Variants in RGS22 observed in about 807,000 individuals in gnomAD.
RGS22 encodes regulator of G protein signaling 22.
Under a neutral mutation model 172.9 loss-of-function variants are expected in RGS22, and 148 were observed. The observed-to-expected ratio is 0.86, with a 90% CI of 0.75 to 0.98. RGS22 has a LOEUF of 0.98. Ranked by LOEUF, RGS22 falls within the 50% of genes least tolerant of loss-of-function variation. RGS22 has a pLI of 0.00. For missense variants in RGS22, 1,347 were observed against 1,440.8 expected, an observed-to-expected ratio of 0.93 and a Z score of 1.05; for synonymous variants, 458 against 480.2, an observed-to-expected ratio of 0.95 and a Z score of 0.60.
At position 100,039,959 on chromosome 8, in the gene RGS22, T is replaced by C. The variant is rs1159322911; in HGVS notation, c.2064+3A>G. 6.8e-7 allele frequency: 1 copy of C among 1,462,778 alleles called. No homozygotes were observed. Among genetic ancestry groups the C allele is most frequent in the Admixed American group, 2.8e-5 (1 of 36,082 alleles). The allele number at this position is 1,462,778 out of a possible 1,614,324, so 90.6% of individuals were successfully genotyped here. ...AATTAAATTTTAAATAATTCTTTTCTACCTTGTTCCCTGAATGCTCGCAGA... is the reference window on the plus strand; with the variant it reads ...AATTAAATTTTAAATAATTCTTTTCCACCTTGTTCCCTGAATGCTCGCAGA... On this transcript the variant is annotated splice_donor_region_variant and intron_variant, in intron 13 of 27. Coordinates refer to ENST00000360863, the MANE Select transcript of RGS22 (RefSeq NM_015668.5).
At chr8:100,030,646 A>G (rs191247682) in intron 14 of RGS22, among the ~76,000 whole-genome samples, 31 of 152,360 alleles carry the variant, frequency 2.0e-4, no homozygotes, top group Non-Finnish European at 4.3e-4. Context: ...AGAAAACAAT[A>G]AAACAGTATT....
chr8:100,104,447 C>T (rs542319237), intron 2 of RGS22, among the ~76,000 whole-genome samples: 189 of 151,506 alleles, frequency 1.2e-3, no homozygotes, highest in Non-Finnish European at 2.3e-3. Flanking sequence ...CCTCTACCTT[C>T]AGTGGCTGTG....
intron 4 of RGS22, among the ~76,000 whole-genome samples, chr8:100,075,141 AG>A (rs1811259494): frequency 6.6e-6 from 1 of 152,112 alleles, no homozygotes; most frequent in Non-Finnish European, 1.5e-5. Flanking sequence ...ATAGATGGGC[AG>A]TGATATGGTA....
At chr8:100,012,440 G>A (rs1294238069) in intron 14 of RGS22, among the ~76,000 whole-genome samples, 4 of 152,184 alleles carry the variant, frequency 2.6e-5, no homozygotes, top group African/African-American at 9.6e-5. Context: ...AAGCTGGCAG[G>A]GTGTGGTAGC....
Position 99,962,900 on chromosome 8 carries a change from T to C in RGS22, c.3694A>G (p.Lys1232Glu). Residue 1232 changes from lysine (K) to glutamate (E), a missense_variant, in exon 25 of 28, where the codon AAA becomes GAA. By Grantham distance (56) the Lys-to-Glu change is moderately conservative. Coordinates refer to ENST00000360863, the MANE Select transcript of RGS22 (RefSeq NM_015668.5). ...CAAAAATTACCTGCAAACAACTTTT[T>C]TTCTAGTTCTTCTTGGATCTTAAGA... Reference protein sequence around the residue: ...ILLKIQEELEKKLFAGLQPLT... With the variant: ...ILLKIQEELEEKLFAGLQPLT... The C allele has an allele frequency of 6.2e-7, 1 of 1,600,208 alleles. No individual in the cohort carries two copies.
chr8:99,984,009 T>G lies in RGS22; in HGVS notation c.3181-1893A>C, dbSNP rs552241394. ...TAGAATAAAGCCTATTTAGGCCAGG[T>G]GTGGTGGCTTATGCCTGTAATCCCA... On this transcript the variant is annotated intron_variant, in intron 21 of 27. Transcript: ENST00000360863. Among the ~76,000 whole-genome samples, 18 of 152,280 alleles carry G rather than the reference T, an allele frequency of 1.2e-4. No homozygotes were observed. The South Asian group carries it at 3.7e-3, about 32-fold the overall frequency.
intron 24 of RGS22, among the ~76,000 whole-genome samples, chr8:99,964,988 T>G (rs1011888569): frequency 6.6e-6 from 1 of 152,226 alleles, no homozygotes; most frequent in Non-Finnish European, 1.5e-5. Flanking sequence ...TTTGACATTC[T>G]TCTGTCATTT....
Position 100,071,367 on chromosome 8 carries a change from A to G in RGS22, c.594+2T>C. On this transcript the variant is annotated splice_donor_variant, in intron 6 of 27. Transcript: ENST00000360863. LOFTEE classifies it high-confidence loss of function. The stretch of plus-strand genomic sequence containing the variant: ...GTCATGAAAAAATGCTCATACTTTT[A>G]CCTCACCAAGTGATACATAGAACTT... The G allele has an allele frequency of 6.3e-7, 1 of 1,599,490 alleles. No individual in the cohort carries two copies. The highest frequency in any genetic ancestry group is 8.5e-7 in the Non-Finnish European group (1 of 1,174,512).
rs566945045 is a variant in RGS22 at position 100,104,791 on chromosome 8, T to C, written c.54+583A>G. 1.2e-4 allele frequency among the ~76,000 whole-genome samples: 19 copies of C among 152,348 alleles called. No individual in the cohort carries two copies. The East Asian group carries it at 3.3e-3, about 26-fold the overall frequency. On this transcript the variant is annotated intron_variant, in intron 2 of 27. Coordinates refer to ENST00000360863, the MANE Select transcript of RGS22 (RefSeq NM_015668.5). ...TCAGATCTTGGTAGGAATTAGGCTC[T>C]GACAGCTCCTATTTGTCTGTGTAAC...
At chr8:99,977,270 A>ATTTCTTTTTTTTTTTTTTT (rs1428079850) in intron 23 of RGS22, among the ~76,000 whole-genome samples, 2 of 120,390 alleles carry the variant, frequency 1.7e-5, no homozygotes, top group Non-Finnish European at 3.4e-5. Flanking sequence ...CGCCCGGTTA[A>ATTTCTTTTTTTTTTTTTTT]TTTTTTTTTT....
chr8:99,982,180 G>T, intron 21 of RGS22, 64 bp from the exon 22 acceptor site: 2 of 1,219,534 alleles, frequency 1.6e-6, no homozygotes, highest in Non-Finnish European at 1.1e-6. Context: ...TAATAGAACT[G>T]TATCAATATG....
chr8:100,033,776 G>C (rs1018843453), intron 14 of RGS22, among the ~76,000 whole-genome samples: 1 of 152,140 alleles, frequency 6.6e-6, no homozygotes, highest in African/African-American at 2.4e-5. Context: ...GATCAAGTTG[G>C]CTTTTCATCC....
rs773976297 is a variant in RGS22, at chr8:100,004,053, C to T, written c.2500G>A (p.Val834Ile). ...IGTGILSLSN[V>I]SKRTEYWDNV... ...TCCCAATATTCTGTTCGTTTAGAGA[C>T]GTTAGAGAGTGATAAAATGCCAGTT... Residue 834 changes from valine (V) to isoleucine (I), a missense_variant, in exon 17 of 28, where the codon GTC (valine) becomes ATC (isoleucine). By Grantham distance (29) the Val-to-Ile change is conservative. Transcript: ENST00000360863. 1.4e-5 allele frequency: 23 copies of T among 1,606,870 alleles called. No homozygotes were observed. Among genetic ancestry groups the T allele is most frequent in the African/African-American group, 5.4e-5 (4 of 74,658 alleles).
chr8:100,038,577 A>G (rs1048188273), intron 14 of RGS22: 1 of 169,946 alleles, frequency 5.9e-6, no homozygotes, highest in African/African-American at 2.4e-5. Flanking sequence ...TCTGTTCCCC[A>G]TCACTTCAAT....
Position 100,002,265 on chromosome 8 carries a change from T to G in RGS22, c.2727A>C (p.Lys909Asn). 6.2e-7 allele frequency: 1 copy of G among 1,610,976 alleles called. No homozygotes were observed. The highest frequency in any genetic ancestry group is 8.5e-7 in the Non-Finnish European group (1 of 1,178,590). Reference protein sequence around the residue: ...RKAKSIYIKNKYLNKKYFFGP... With the variant: ...RKAKSIYIKNNYLNKKYFFGP... ...CAAAGAAATATTTTTTATTAAGGTA[T>G]TTGTTTTTAATGTATATAGATTTTG... The change falls in exon 18 of 28, where the codon AAA (lysine) becomes AAC (asparagine). Residue 909 changes from lysine (K) to asparagine (N), a missense_variant. Lys to Asn is a moderately conservative substitution (Grantham distance 94). Coordinates refer to ENST00000360863, the MANE Select transcript of RGS22 (RefSeq NM_015668.5).
chr8:100,016,978 CTTTT>C (rs71274949), intron 14 of RGS22, among the ~76,000 whole-genome samples: 183 of 36,058 alleles, frequency 5.1e-3, no homozygotes, highest in Admixed American at 6.1e-3. Flanking sequence ...CCTTACCAGT[CTTTT>C]TTTTTTTTTT....
In RGS22 at chr8:99,996,473, C is replaced by G; in HGVS notation, c.3007G>C (p.Gly1003Arg). 3.1e-6 allele frequency: 5 copies of G among 1,613,132 alleles called. No individual in the cohort carries two copies. The highest frequency in any genetic ancestry group is 4.2e-6 in the Non-Finnish European group (5 of 1,179,366). The change falls in exon 20 of 28, where the codon GGG becomes CGG. Residue 1003 changes from glycine to arginine, a missense_variant. Physicochemically the swap from Gly to Arg is moderately radical, Grantham distance 125. Coordinates refer to ENST00000360863, the MANE Select transcript of RGS22 (RefSeq NM_015668.5). ...CAAACATTACTTGCCTTCCAGACCC[C>G]GATTTTCTTTTCAGCCTTCTGTAGT... The part of the protein sequence containing the change: ...LLLQKAEKKI[G>R]VWKPVESKWI...
chr8:100,029,702 C>CAAAAAAAAAA (rs369058108), intron 14 of RGS22, among the ~76,000 whole-genome samples: 11 of 61,976 alleles, frequency 1.8e-4, no homozygotes, highest in East Asian at 9.4e-4. Flanking sequence ...AACTCCGTCT[C>CAAAAAAAAAA]AAAAAAAAAA....
At chr8:100,094,178 C>T (rs2132004752) in intron 2 of RGS22, among the ~76,000 whole-genome samples, 2 of 152,276 alleles carry the variant, frequency 1.3e-5, no homozygotes, top group East Asian at 3.9e-4. Context: ...CTGCCAAGAA[C>T]AAAATTTCTC....
Sources: gnomAD v4.1 joint callset for allele counts (sites outside exome capture counted in the v4.1 genomes callset) on GRCh38, gnomAD v4.1.1 for gene constraint, MANE v1.5 for transcripts, NCBI Gene and HGNC (gene_info 2026-07-23, HGNC 2026-07-21) for gene names.